The following NPR2 variants were observed in gnomAD, a reference collection of about 807,000 sequenced individuals.
The protein encoded by NPR2 is atrial natriuretic peptide receptor 2.
In NPR2, 49 loss-of-function variants were observed where a neutral mutation model predicts 120.7. The ratio of observed to expected loss-of-function variants is 0.41; its 90% CI spans 0.32 to 0.52. NPR2 has a LOEUF of 0.52. NPR2 is among the 20% of genes least tolerant of loss of function. NPR2 has a pLI of 0.36. For synonymous variants in NPR2, 484 were observed against 519.8 expected (o/e 0.93, Z 0.94); for missense variants, 931 against 1,362.9 (o/e 0.68, Z 4.99).
chr9:35,796,007 C>T (rs1195710569), intron 2 of NPR2, among the ~76,000 whole-genome samples: 1 of 151,948 alleles, frequency 6.6e-6, no homozygotes, highest in Admixed American at 6.6e-5. Flanking sequence ...GATGGGCAGG[C>T]AATAAATAAG....
chr9:35,799,840 T>C (rs1226823498), intron 3 of NPR2, 109 bp downstream of exon 3: 1 of 1,359,718 alleles, frequency 7.4e-7, no homozygotes, highest in African/African-American at 1.4e-5. Flanking sequence ...CTTTGGGGGG[T>C]CTCCGCTTCT....
chr9:35,802,458 A>T lies in NPR2; in HGVS notation c.1711-45A>T. 8.6e-7 allele frequency: 1 copy of T among 1,165,220 alleles called. No homozygotes were observed. The highest frequency in any genetic ancestry group is 1.3e-6 in the Non-Finnish European group (1 of 770,194). 72.2% of individuals were successfully genotyped at this position (1,165,220 alleles called of 1,614,324 possible). On this transcript the variant is annotated intron_variant, in intron 10 of 21. Coordinates refer to ENST00000342694, the MANE Select transcript of NPR2 (RefSeq NM_003995.4). The surrounding 1 kb of genome is among the most constrained non-coding windows in gnomAD (Gnocchi z 4.2). ...TGGTAAGTTTCTGTATCTAATTTTTAACTCTTTCAATTTTCTTATCCTTCC... is the reference window on the plus strand; with the variant it reads ...TGGTAAGTTTCTGTATCTAATTTTTTACTCTTTCAATTTTCTTATCCTTCC...
Position 35,806,083 on chromosome 9 carries a change from G to A in NPR2, c.2222G>A (p.Arg741Gln), listed in dbSNP as rs745794844. 9.3e-6 allele frequency: 15 copies of A among 1,614,072 alleles called. No individual in the cohort carries two copies. Among genetic ancestry groups the A allele is most frequent in the South Asian group, 6.6e-5 (6 of 91,096 alleles). ...LSPKEIVQKV[R>Q]NGQRPYFRPS... ...CCCTCAGAGATTGTCCAGAAGGTAC[G>A]AAATGGTCAGCGGCCATATTTCCGG... Residue 741 changes from arginine to glutamine, a missense_variant, in exon 15 of 22, where the codon CGA (arginine) becomes CAA (glutamine). By Grantham distance (43) the Arg-to-Gln change is conservative. Around this residue, in one of 3 missense-constraint regions of NPR2, gnomAD observed 681 missense variants for 974.3 expected, o/e 0.70. Coordinates refer to ENST00000342694, the MANE Select transcript of NPR2 (RefSeq NM_003995.4). The surrounding 1 kb of genome is among the most constrained non-coding windows in gnomAD (Gnocchi z 4.6).
rs766570189 is a variant in NPR2 at position 35,808,735 on chromosome 9, C to T, written c.2888-20C>T. ...AGTCTCCACCTTTCCCAGACTCTCCCAACCTGTTTCTTCTCAAAGGGCCAG... is the reference window on the plus strand; with the variant it reads ...AGTCTCCACCTTTCCCAGACTCTCCTAACCTGTTTCTTCTCAAAGGGCCAG... On this transcript the variant is annotated intron_variant, in intron 19 of 21. Coordinates refer to ENST00000342694, the MANE Select transcript of NPR2 (RefSeq NM_003995.4). The surrounding 1 kb of genome is among the most constrained non-coding windows in gnomAD (Gnocchi z 4.0). 6.2e-7 allele frequency: 1 copy of T among 1,611,924 alleles called. No individual in the cohort carries two copies.
At chr9:35,803,831 T>G (rs988204097) in intron 12 of NPR2, among the ~76,000 whole-genome samples, 29 of 152,208 alleles carry the variant, frequency 1.9e-4, no homozygotes, top group African/African-American at 7.0e-4. Context: ...GTGTGAAAAT[T>G]TGCTATCAAA....
At chr9:35,793,606 T>C (rs1827854341) in intron 1 of NPR2, among the ~76,000 whole-genome samples, 1 of 151,720 alleles carries the variant, frequency 6.6e-6, no homozygotes, top group South Asian at 2.1e-4. Flanking sequence ...AGCAGGCCGG[T>C]TGGGTGGGGA....
chr9:35,809,174 C>T lies in NPR2; in HGVS notation c.3005C>T (p.Ser1002Phe). 6.2e-7 allele frequency: 1 copy of T among 1,613,992 alleles called. No homozygotes were observed. The highest frequency in any genetic ancestry group is 8.5e-7 in the Non-Finnish European group (1 of 1,179,950). ...ACCCCAGCGCTGAAGATCCATGTCT[C>T]CTCTACCACCAAGGATGCCCTAGAT... Reference protein sequence around the residue: ...SNGQALKIHVSSTTKDALDEL... With the variant: ...SNGQALKIHVFSTTKDALDEL... The change falls in exon 21 of 22, where the codon TCC (serine) becomes TTC (phenylalanine). Residue 1002 changes from serine to phenylalanine, a missense_variant. Ser to Phe is a radical substitution (Grantham distance 155). This residue lies in a region of NPR2 where 184 missense variants were observed against 328.3 expected (regional missense o/e 0.56). Transcript: ENST00000342694. This position sits in a 1 kb window ranked among gnomAD's most constrained non-coding sequence, Gnocchi z 4.1.
Position 35,803,399 on chromosome 9 carries a change from C to T in NPR2, c.1887+596C>T, listed in dbSNP as rs190752472. ...GATTACAGGCGTGAGCCACCGCGCC[C>T]GGCCTGAACATATTTATCTCTTGTT... On this transcript the variant is annotated intron_variant, in intron 12 of 21. Coordinates refer to ENST00000342694, the MANE Select transcript of NPR2 (RefSeq NM_003995.4). Among the ~76,000 whole-genome samples, 52 of 82,190 alleles carry T rather than the reference C, an allele frequency of 6.3e-4. 8 individuals are homozygous for T. Among genetic ancestry groups the T allele is most frequent in the Admixed American group, 1.4e-3 (12 of 8,776 alleles). 53.9% of individuals were successfully genotyped at this position (82,190 alleles called of 152,430 possible). A position where few individuals can be genotyped will look rare whatever the true frequency, so the allele number is the denominator to read the frequency against.
rs1471810588 is a variant in NPR2 at position 35,805,209 on chromosome 9, A to G, written c.1888-302A>G. Among the ~76,000 whole-genome samples, 1 of 152,144 alleles carries G rather than the reference A, an allele frequency of 6.6e-6. No homozygotes were observed. The highest frequency in any genetic ancestry group is 2.4e-5 in the African/African-American group (1 of 41,436). ...CACCCAAGTTCTGTTCTCTTCACTAATCAAGAAGATTGACTGCCCTCTCCA... is the reference window on the plus strand; with the variant it reads ...CACCCAAGTTCTGTTCTCTTCACTAGTCAAGAAGATTGACTGCCCTCTCCA... On this transcript the variant is annotated intron_variant, in intron 12 of 21. Coordinates refer to ENST00000342694, the MANE Select transcript of NPR2 (RefSeq NM_003995.4). This position sits in a 1 kb window ranked among gnomAD's most constrained non-coding sequence, Gnocchi z 4.9.
In NPR2 at chr9:35,800,224, C is replaced by A; in HGVS notation, c.1123+67C>A. ...GGAATAGAGTGGGCTGAAGAAGAAACAGATGTCAGGATCACCACAGCTTTA... is the reference window on the plus strand; with the variant it reads ...GGAATAGAGTGGGCTGAAGAAGAAAAAGATGTCAGGATCACCACAGCTTTA... On this transcript the variant is annotated intron_variant, in intron 4 of 21. Transcript: ENST00000342694. The surrounding 1 kb of genome is among the most constrained non-coding windows in gnomAD (Gnocchi z 4.7). 1 of 1,507,184 alleles carries A rather than the reference C, an allele frequency of 6.6e-7. No homozygotes were observed. Among genetic ancestry groups the A allele is most frequent in the Non-Finnish European group, 9.2e-7 (1 of 1,082,682 alleles). The allele number at this position is 1,507,184 out of a possible 1,614,324, so 93.4% of individuals were successfully genotyped here.
chr9:35,796,333 A>G (rs1328364195), intron 2 of NPR2, among the ~76,000 whole-genome samples: 1 of 152,162 alleles, frequency 6.6e-6, no homozygotes, highest in African/African-American at 2.4e-5. Flanking sequence ...CTACAGGCAT[A>G]TGACACCATG....
rs1828365411 is a variant in NPR2 at position 35,806,059 on chromosome 9, C to T, written c.2204-6C>T. The T allele has an allele frequency of 1.9e-6, 3 of 1,614,118 alleles. No individual in the cohort carries two copies. Among genetic ancestry groups the T allele is most frequent in the Non-Finnish European group, 2.5e-6 (3 of 1,180,028 alleles). On this transcript the variant is annotated splice_polypyrimidine_tract_variant and splice_region_variant and intron_variant, in intron 14 of 21. Coordinates refer to ENST00000342694, the MANE Select transcript of NPR2 (RefSeq NM_003995.4). The surrounding 1 kb of genome is among the most constrained non-coding windows in gnomAD (Gnocchi z 4.6). The stretch of plus-strand genomic sequence containing the variant: ...GTTCTTCATCCAAACCTTTGATCAC[C>T]CTCAGAGATTGTCCAGAAGGTACGA...
chr9:35,808,070 C>T lies in NPR2; in HGVS notation c.2713-439C>T, dbSNP rs1828507382. 3 of 821,894 alleles carry T rather than the reference C, an allele frequency of 3.7e-6. No individual in the cohort carries two copies. The highest frequency in any genetic ancestry group is 4.9e-5 in the East Asian group (2 of 41,214). The allele number at this position is 821,894 out of a possible 1,614,324, so 50.9% of individuals were successfully genotyped here. A position where few individuals can be genotyped will look rare whatever the true frequency, so the allele number is the denominator to read the frequency against. On this transcript the variant is annotated intron_variant, in intron 18 of 21. Coordinates refer to ENST00000342694, the MANE Select transcript of NPR2 (RefSeq NM_003995.4). This position sits in a 1 kb window ranked among gnomAD's most constrained non-coding sequence, Gnocchi z 4.0. ...TTTCCTTAAAACAATGGCATTTATT[C>T]TCTTACATAGCTTTGGCACAATTAC... is the stretch of plus-strand genomic sequence containing the variant.
chr9:35,797,055 A>G (rs1046425866), intron 2 of NPR2, among the ~76,000 whole-genome samples: 2 of 152,208 alleles, frequency 1.3e-5, no homozygotes, highest in Non-Finnish European at 1.5e-5. Context: ...AAGTATGTTG[A>G]TATGATTTTT....
Position 35,805,352 on chromosome 9 carries a change from G to C in NPR2, c.1888-159G>C, listed in dbSNP as rs75404418. Among the ~76,000 whole-genome samples, 214 of 152,308 alleles carry C rather than the reference G, an allele frequency of 1.4e-3. No homozygotes were observed. The highest frequency in any genetic ancestry group is 2.1e-3 in the Non-Finnish European group (145 of 68,024). ...AACAGATGACTCTTCTGTTCTTCCT[G>C]CTTCCTTGGGTGGAAACTGCAAAGG... On this transcript the variant is annotated intron_variant, in intron 12 of 21. Coordinates refer to ENST00000342694, the MANE Select transcript of NPR2 (RefSeq NM_003995.4). This position sits in a 1 kb window ranked among gnomAD's most constrained non-coding sequence, Gnocchi z 4.9.
At chr9:35,801,892 C>T in intron 8 of NPR2, 34 bp from the exon 9 acceptor site, 1 of 1,611,272 alleles carries the variant, frequency 6.2e-7, no homozygotes, top group Non-Finnish European at 8.5e-7. Context: ...ATGTTCCTTT[C>T]ATCCTTCCGC....
At position 35,805,457 on chromosome 9, in the gene NPR2, G is replaced by A; in HGVS notation, c.1888-54G>A. 1.3e-6 allele frequency: 2 copies of A among 1,567,430 alleles called. No homozygotes were observed. Among genetic ancestry groups the A allele is most frequent in the South Asian group, 1.1e-5 (1 of 90,062 alleles). ...AGCCAGTGCCCATCTCATGGAGAGA[G>A]GGTATTCTAAGCCAGATATGATCCA... On this transcript the variant is annotated intron_variant, in intron 12 of 21. Coordinates refer to ENST00000342694, the MANE Select transcript of NPR2 (RefSeq NM_003995.4). This position sits in a 1 kb window ranked among gnomAD's most constrained non-coding sequence, Gnocchi z 4.9.
intron 12 of NPR2, among the ~76,000 whole-genome samples, chr9:35,804,175 TCA>T (rs1471356267): frequency 6.6e-6 from 1 of 152,178 alleles, no homozygotes; most frequent in Non-Finnish European, 1.5e-5. Context: ...TCTTTCTGTC[TCA>T]CCTGAACTGA....
intron 1 of NPR2, 92 bp from the exon 2 acceptor site, chr9:35,793,805 TG>T: frequency 7.7e-7 from 1 of 1,291,364 alleles, no homozygotes; most frequent in Non-Finnish European, 1.1e-6. Context: ...TCTTTCTTGC[TG>T]AAGAGGGACA....
Sources: allele counts gnomAD v4.1 joint callset (sites outside exome capture counted in the v4.1 genomes callset), GRCh38; gene constraint gnomAD v4.1.1; regional missense constraint gnomAD v4.1.1; non-coding constraint Gnocchi (gnomAD v3.1); transcripts MANE v1.5; gene names NCBI Gene and HGNC (gene_info 2026-07-23, HGNC 2026-07-21).